NKAIN2: variants seen among roughly 807,000 people sequenced by gnomAD.
The protein encoded by NKAIN2 is sodium/potassium-transporting ATPase subunit beta-1-interacting protein 2.
Under a neutral mutation model 32.6 loss-of-function variants are expected in NKAIN2, and 14 were observed. The observed-to-expected ratio is 0.43, with a 90% CI of 0.28 to 0.67. The LOEUF (loss-of-function observed/expected upper bound fraction) is 0.67, where lower values mean the gene tolerates loss of function less well. Ranked by LOEUF, NKAIN2 falls within the 30% of genes least tolerant of loss-of-function variation. The pLI is 0.17. For missense variants in NKAIN2, 198 were observed against 258.3 expected (o/e 0.77, Z 1.60); for synonymous variants, 80 against 87.2 (o/e 0.92, Z 0.46).
chr6:124,459,567 A>C (rs1342381338), intron 3 of NKAIN2, among the ~76,000 whole-genome samples: 1 of 151,888 alleles, frequency 6.6e-6, no homozygotes, highest in African/African-American at 2.4e-5. Flanking sequence ...TGTATTCTGA[A>C]TAATTTTACT....
At chr6:124,726,367 G>A (rs563714866) in intron 4 of NKAIN2, among the ~76,000 whole-genome samples, 80 of 152,322 alleles carry the variant, frequency 5.3e-4, no homozygotes, top group African/African-American at 1.2e-3. Context: ...ATCTGAGAAC[G>A]GGCAGACTGC....
At chr6:123,813,042 A>C (rs1773544475) in intron 1 of NKAIN2, among the ~76,000 whole-genome samples, 1 of 152,262 alleles carries the variant, frequency 6.6e-6, no homozygotes, top group Admixed American at 6.5e-5. Flanking sequence ...AATTCATAGT[A>C]TCCTAACCTA....
At chr6:124,432,944 G>A (rs969637335) in intron 3 of NKAIN2, among the ~76,000 whole-genome samples, 7 of 151,916 alleles carry the variant, frequency 4.6e-5, no homozygotes, top group African/African-American at 4.8e-5. Flanking sequence ...GGCTCCCCCC[G>A]ACACATCCAT....
intron 2 of NKAIN2, among the ~76,000 whole-genome samples, chr6:124,303,149 A>G (rs1251687044): frequency 6.6e-6 from 1 of 152,218 alleles, no homozygotes. Flanking sequence ...ATAAAAAACA[A>G]CTTGTGAAGA....
intron 1 of NKAIN2, among the ~76,000 whole-genome samples, chr6:123,819,940 A>G (rs1474496640): frequency 6.6e-6 from 1 of 152,172 alleles, no homozygotes; most frequent in Non-Finnish European, 1.5e-5. Flanking sequence ...GAGCAGTTTG[A>G]TAATGTTGGT....
At chr6:124,704,338 T>A (rs1774945656) in intron 4 of NKAIN2, among the ~76,000 whole-genome samples, 1 of 151,940 alleles carries the variant, frequency 6.6e-6, no homozygotes, top group South Asian at 2.1e-4. Context: ...TGGTCACAAA[T>A]GTTATAATTT....
intron 1 of NKAIN2, among the ~76,000 whole-genome samples, chr6:124,109,625 G>C (rs949401748): frequency 5.3e-5 from 8 of 152,086 alleles, no homozygotes; most frequent in Admixed American, 4.6e-4. Context: ...AGTTGCTCTG[G>C]AGAGAACTTC....
intron 2 of NKAIN2, among the ~76,000 whole-genome samples, chr6:124,286,226 A>T (rs1404792474): frequency 2.0e-5 from 3 of 152,110 alleles, no homozygotes; most frequent in African/African-American, 4.8e-5. Flanking sequence ...AATTAACATG[A>T]CTATTTCATT....
At chr6:124,446,755 A>G (rs1281169483) in intron 3 of NKAIN2, among the ~76,000 whole-genome samples, 4 of 152,274 alleles carry the variant, frequency 2.6e-5, no homozygotes, top group Non-Finnish European at 5.9e-5. Context: ...TGTATGTGAT[A>G]ATATCCAAAC....
chr6:123,805,940 G>T (rs1406025379), intron 1 of NKAIN2, among the ~76,000 whole-genome samples: 1 of 152,110 alleles, frequency 6.6e-6, no homozygotes, highest in Non-Finnish European at 1.5e-5. Context: ...GCAAATGTAT[G>T]CACTAGGTCT....
intron 3 of NKAIN2, among the ~76,000 whole-genome samples, chr6:124,632,387 G>C (rs1440286498): frequency 6.6e-6 from 1 of 152,128 alleles, no homozygotes; most frequent in African/African-American, 2.4e-5. Context: ...CACCATTACT[G>C]TTAGAGAATG....
At chr6:124,579,326 TG>T (rs1324567728) in intron 3 of NKAIN2, among the ~76,000 whole-genome samples, 6 of 152,224 alleles carry the variant, frequency 3.9e-5, no homozygotes, top group African/African-American at 1.4e-4. Context: ...TTGAAATGGC[TG>T]TTTTGAGGAA....
chr6:124,339,206 T>C (rs1798010391), intron 2 of NKAIN2, among the ~76,000 whole-genome samples: 1 of 152,092 alleles, frequency 6.6e-6, no homozygotes, highest in African/African-American at 2.4e-5. Context: ...CCGGGCGTGG[T>C]GGCGCGCACC....
chr6:124,724,598 C>T (rs1385320679), intron 4 of NKAIN2, among the ~76,000 whole-genome samples: 1 of 152,118 alleles, frequency 6.6e-6, no homozygotes, highest in Non-Finnish European at 1.5e-5. Context: ...CATAGATAAT[C>T]TCCTAGAATA....
chr6:124,565,760 C>T lies in NKAIN2; in HGVS notation c.274-92426C>T, dbSNP rs181834967. Among the ~76,000 whole-genome samples the T allele has an allele frequency of 2.7e-3, 413 of 152,258 alleles. 1 individual carries two copies. Among genetic ancestry groups the T allele is most frequent in the Non-Finnish European group, 3.7e-3 (253 of 68,010 alleles). ...AGACAGGAAATCGTTCTAATAATGG[C>T]TGGATGCAGGATTTCTATGCAAGGG... On this transcript the variant is annotated intron_variant, in intron 3 of 6. Transcript: ENST00000368417.
chr6:124,507,806 G>C (rs144697070), intron 3 of NKAIN2, among the ~76,000 whole-genome samples: 1 of 152,034 alleles, frequency 6.6e-6, no homozygotes, highest in African/African-American at 2.4e-5. Flanking sequence ...TACCAAACCC[G>C]GGGACATAAT....
At chr6:124,605,958 C>T (rs1042953869) in intron 3 of NKAIN2, among the ~76,000 whole-genome samples, 3 of 151,934 alleles carry the variant, frequency 2.0e-5, no homozygotes, top group Non-Finnish European at 4.4e-5. Context: ...TGTTTCTGTG[C>T]AATGTTCTTA....
At chr6:124,602,239 T>C (rs2114982579) in intron 3 of NKAIN2, among the ~76,000 whole-genome samples, 1 of 152,142 alleles carries the variant, frequency 6.6e-6, no homozygotes, top group Admixed American at 6.6e-5. Flanking sequence ...GTCCAGTCCA[T>C]GCTTCCTACT....
chr6:123,900,005 T>TA (rs1774481890), intron 1 of NKAIN2, among the ~76,000 whole-genome samples: 1 of 152,160 alleles, frequency 6.6e-6, no homozygotes, highest in African/African-American at 2.4e-5. Flanking sequence ...AGGCTGGGCT[T>TA]ACCTGTTGGC....
Sources: gnomAD v4.1 joint callset for allele counts (sites outside exome capture counted in the v4.1 genomes callset) on GRCh38, gnomAD v4.1.1 for gene constraint, MANE v1.5 for transcripts, NCBI Gene and HGNC (gene_info 2026-07-23, HGNC 2026-07-21) for gene names.